The following RGS3 variants were observed in gnomAD, a reference collection of about 807,000 sequenced individuals.
RGS3 encodes the protein regulator of G protein signaling 3, also known as regulator of G-protein signalling 3.
Under a neutral mutation model 132.6 loss-of-function variants are expected in RGS3, and 80 were observed. That is an observed-to-expected ratio of 0.60 (90% confidence interval 0.50 to 0.73). The LOEUF is 0.73. RGS3 is among the 30% of genes least tolerant of loss of function. RGS3 has a pLI of 0.00. For synonymous variants in RGS3, 598 were observed against 620.6 expected (o/e 0.96, Z 0.54); for missense variants, 1,382 against 1,530.8 (o/e 0.90, Z 1.62).
chr9:113,557,620 C>T (rs1272855761), intron 19 of RGS3, among the ~76,000 whole-genome samples: 1 of 152,212 alleles, frequency 6.6e-6, no homozygotes, highest in African/African-American at 2.4e-5. Context: ...CTTCTCGGCT[C>T]ATCAACCAGC....
intron 7 of RGS3, among the ~76,000 whole-genome samples, chr9:113,488,963 T>G (rs904866390): frequency 4.6e-5 from 7 of 152,342 alleles, no homozygotes; most frequent in African/African-American, 1.7e-4. Flanking sequence ...CTCTGAAGGA[T>G]GGACATTCAA....
At chr9:113,540,776 A>C (rs1832870994) in intron 19 of RGS3, among the ~76,000 whole-genome samples, 1 of 152,216 alleles carries the variant, frequency 6.6e-6, no homozygotes, top group Non-Finnish European at 1.5e-5. Context: ...CATGACAGAT[A>C]GTTCAAAGTA....
At chr9:113,583,482 G>T in exon 20 of RGS3, 1 of 1,614,220 alleles carries the variant, frequency 6.2e-7, no homozygotes, top group South Asian at 1.1e-5. Flanking sequence ...AGAAGAGGGA[G>T]ATGGCCTTGG....
At chr9:113,583,637 C>T (rs1834938676) in exon 20 of RGS3, 1 of 1,614,134 alleles carries the variant, frequency 6.2e-7, no homozygotes, top group Non-Finnish European at 8.5e-7. Flanking sequence ...GAACCACTGT[C>T]CAGCAAAGAC....
intron 7 of RGS3, among the ~76,000 whole-genome samples, chr9:113,487,558 T>G (rs1442285576): frequency 2.6e-5 from 4 of 152,190 alleles, no homozygotes; most frequent in African/African-American, 9.7e-5. Flanking sequence ...ATCCAGGTGG[T>G]TGGACCCCAG....
At chr9:113,570,792 A>C (rs1834250376) in intron 19 of RGS3, among the ~76,000 whole-genome samples, 1 of 152,044 alleles carries the variant, frequency 6.6e-6, no homozygotes, top group Non-Finnish European at 1.5e-5. Flanking sequence ...GCGTGCCACC[A>C]TGCCCGGCTA....
chr9:113,505,384 T>C, intron 10 of RGS3, 58 bp from the exon 9 acceptor site: 1 of 1,520,720 alleles, frequency 6.6e-7, no homozygotes, highest in Non-Finnish European at 9.1e-7. Context: ...TTCCTGACCT[T>C]GGGGTAGAGG....
At chr9:113,501,303 G>A (rs544159005) in intron 10 of RGS3, 15 of 821,930 alleles carry the variant, frequency 1.8e-5, no homozygotes, top group East Asian at 2.9e-5. Flanking sequence ...TCTCCCCGCC[G>A]GGCCCGGGGA....
intron 16 of RGS3, among the ~76,000 whole-genome samples, chr9:113,519,209 C>T (rs190838914): frequency 6.6e-6 from 1 of 152,132 alleles, no homozygotes; most frequent in East Asian, 1.9e-4. Flanking sequence ...GGAATGGAGC[C>T]GGGTCATTTC....
At chr9:113,576,623 C>T (rs1446065352) in intron 19 of RGS3, among the ~76,000 whole-genome samples, 3 of 152,180 alleles carry the variant, frequency 2.0e-5, no homozygotes, top group African/African-American at 4.8e-5. Flanking sequence ...AGCCACCGCA[C>T]CCAGCGATTG....
At chr9:113,580,385 T>G (rs1834731870) in intron 19 of RGS3, among the ~76,000 whole-genome samples, 1 of 152,242 alleles carries the variant, frequency 6.6e-6, no homozygotes. Flanking sequence ...GGACCCCAGG[T>G]TTCTTATCTC....
intron 10 of RGS3, chr9:113,501,558 C>T (rs774112345): frequency 3.3e-5 from 51 of 1,543,284 alleles, no homozygotes; most frequent in South Asian, 1.5e-4. Context: ...GGGCGGCAGC[C>T]GAGGCAGGAC....
intron 18 of RGS3, among the ~76,000 whole-genome samples, chr9:113,531,227 C>T (rs550820030): frequency 4.7e-4 from 71 of 152,346 alleles, no homozygotes; most frequent in African/African-American, 1.6e-3. Flanking sequence ...CCACAATTGG[C>T]TTCAGAACAC....
In RGS3 at chr9:113,480,453, C is replaced by T. The variant is rs537567561; in HGVS notation, c.466+912C>T. On this transcript the variant is annotated intron_variant, in intron 4 of 24. Coordinates refer to ENST00000350696, the Ensembl canonical transcript of RGS3. ...CAGCCCAGGCGACAGTACGAGACTC[C>T]GTCTCAAAAAAAAAAAAAAAAAAAA... 1.9e-3 allele frequency among the ~76,000 whole-genome samples: 252 copies of T among 134,818 alleles called. 2 individuals carry two copies. Among genetic ancestry groups the T allele is most frequent in the African/African-American group, 6.1e-3 (217 of 35,796 alleles). The allele number at this position is 134,818 out of a possible 152,430, so 88.4% of individuals were successfully genotyped here. A position where few individuals can be genotyped will look rare whatever the true frequency, so the allele number is the denominator to read the frequency against.
At chr9:113,521,751 T>C (rs115330594) in intron 16 of RGS3, among the ~76,000 whole-genome samples, 2,279 of 152,312 alleles carry the variant, frequency 0.015, 63 homozygotes, top group African/African-American at 0.052. Flanking sequence ...TTCTGTAGGA[T>C]AGAGTCTCAG....
intron 19 of RGS3, among the ~76,000 whole-genome samples, chr9:113,572,223 A>C (rs923233315): frequency 3.9e-5 from 6 of 152,086 alleles, no homozygotes; most frequent in Non-Finnish European, 7.4e-5. Flanking sequence ...TAGAGGGATG[A>C]AGGCATTTTG....
chr9:113,461,628 G>A, intron 1 of RGS3: 1 of 1,415,276 alleles, frequency 7.1e-7, no homozygotes, highest in Non-Finnish European at 9.7e-7. Context: ...GTCAGGAGGG[G>A]ACCTACAAAG....
intron 4 of RGS3, 120 bp downstream of exon 2, chr9:113,479,661 A>G: frequency 1.1e-6 from 1 of 872,048 alleles, no homozygotes; most frequent in South Asian, 1.5e-5. Flanking sequence ...ATCCTTGTAT[A>G]AAGGATGTGT....
intron 6 of RGS3, 67 bp from the exon 5 acceptor site, chr9:113,485,558 C>G (rs1448543383): frequency 1.6e-6 from 2 of 1,282,964 alleles, no homozygotes; most frequent in African/African-American, 2.9e-5. Context: ...ATGACTGACT[C>G]TATGAGTCAG....
Sources: gnomAD v4.1 joint callset for allele counts (sites outside exome capture counted in the v4.1 genomes callset) on GRCh38, gnomAD v4.1.1 for gene constraint, MANE v1.5 for transcripts, NCBI Gene and HGNC (gene_info 2026-07-23, HGNC 2026-07-21) for gene names.